MARK3: variants seen among roughly 807,000 people sequenced by gnomAD.
MARK3 encodes microtubule affinity regulating kinase 3.
In MARK3, 46 loss-of-function variants were observed where a neutral mutation model predicts 90.1. The observed-to-expected ratio is 0.51, with a 90% CI of 0.40 to 0.65. The LOEUF (loss-of-function observed/expected upper bound fraction) is 0.65. Among genes scored for constraint, MARK3 ranks in the 30% least tolerant of loss-of-function variants. The pLI is 0.00. For missense variants in MARK3, 818 were observed against 947.2 expected (o/e 0.86, Z 1.79); for synonymous variants, 321 against 332.6 (o/e 0.97, Z 0.38).
chr14:103,453,388 C>G (rs1253637191), intron 5 of MARK3, among the ~76,000 whole-genome samples: 1 of 152,180 alleles, frequency 6.6e-6, no homozygotes, highest in Admixed American at 6.5e-5. Flanking sequence ...CTGTTAAACT[C>G]TATCGTAATT....
chr14:103,393,546 T>G (rs1376709633), intron 1 of MARK3, among the ~76,000 whole-genome samples: 2 of 152,170 alleles, frequency 1.3e-5, no homozygotes, highest in Non-Finnish European at 2.9e-5. Flanking sequence ...AATTTGAGCA[T>G]CCTTATCTTA....
At chr14:103,482,032 C>T (rs2093833898) in intron 14 of MARK3, among the ~76,000 whole-genome samples, 1 of 151,422 alleles carries the variant, frequency 6.6e-6, no homozygotes, top group African/African-American at 2.4e-5. Context: ...TCCCAAAGTG[C>T]TGGGATTACA....
chr14:103,422,268 C>A (rs1004434138), intron 2 of MARK3, among the ~76,000 whole-genome samples: 6 of 152,114 alleles, frequency 3.9e-5, no homozygotes, highest in African/African-American at 1.4e-4. Context: ...CCAGCCTGAC[C>A]AATATGGTGA....
intron 12 of MARK3, among the ~76,000 whole-genome samples, chr14:103,468,574 C>T (rs1020669560): frequency 5.9e-5 from 9 of 151,908 alleles, no homozygotes; most frequent in African/African-American, 2.2e-4. Flanking sequence ...GATCCACCTG[C>T]CTTGGCCTCC....
intron 3 of MARK3, among the ~76,000 whole-genome samples, chr14:103,438,992 TA>T (rs60721454): frequency 2.2e-3 from 317 of 142,156 alleles, no homozygotes; most frequent in Middle Eastern, 7.1e-3. Flanking sequence ...CTTCTCTAAT[TA>T]AAAAAAAAAA....
intron 2 of MARK3, chr14:103,412,513 C>A: frequency 1.9e-6 from 1 of 521,818 alleles, no homozygotes. Flanking sequence ...CCTCAGTGTC[C>A]ACTTGGGGGG....
At chr14:103,425,125 A>G (rs1256583280) in intron 2 of MARK3, among the ~76,000 whole-genome samples, 5 of 151,980 alleles carry the variant, frequency 3.3e-5, no homozygotes, top group Non-Finnish European at 7.4e-5. Context: ...TATTTTTAGT[A>G]GAGATGGGGT....
chr14:103,387,104 C>G (rs1312595967), intron 1 of MARK3, among the ~76,000 whole-genome samples: 2 of 152,146 alleles, frequency 1.3e-5, no homozygotes, highest in African/African-American at 2.4e-5. Context: ...GAGGTAATTG[C>G]TGGCACGAAA....
At chr14:103,463,612 A>T (rs184041968) in intron 7 of MARK3, among the ~76,000 whole-genome samples, 154 of 151,796 alleles carry the variant, frequency 1.0e-3, no homozygotes, top group South Asian at 4.4e-3. Context: ...TCTTAAGCTC[A>T]CTCTTTTATG....
At chr14:103,442,746 C>T (rs959958907) in intron 3 of MARK3, among the ~76,000 whole-genome samples, 1 of 151,794 alleles carries the variant, frequency 6.6e-6, no homozygotes, top group African/African-American at 2.4e-5. Context: ...TTTGGTGCTC[C>T]GGGAAATTTG....
At chr14:103,412,794 G>C in intron 2 of MARK3, 1 of 418,506 alleles carries the variant, frequency 2.4e-6, no homozygotes, top group Admixed American at 3.4e-5. Flanking sequence ...AGAAAAGAGG[G>C]TTTAGTTGGT....
chr14:103,386,011 A>G lies in MARK3; in HGVS notation c.-19A>G, dbSNP rs201278470. 1 of 1,609,314 alleles carries G rather than the reference A, an allele frequency of 6.2e-7. No individual in the cohort carries two copies. ...TTTTGTTTTGACCCTCGCATTGTGC[A>G]GAATTAAAGTGCAGTAAAATGTCCA... On this transcript the variant is annotated 5_prime_UTR_variant, in exon 1 of 18. Coordinates refer to ENST00000429436, the MANE Select transcript of MARK3 (RefSeq NM_001128918.3).
Position 103,491,851 on chromosome 14 carries a change from G to A in MARK3, c.1661G>A (p.Arg554His), listed in dbSNP as rs369866994. 68 of 1,613,980 alleles carry A rather than the reference G, an allele frequency of 4.2e-5. No homozygotes were observed. Among genetic ancestry groups the A allele is most frequent in the Middle Eastern group, 1.6e-4 (1 of 6,084 alleles). The change falls in exon 15 of 18, where the codon CGC becomes CAC. Residue 554 changes from arginine to histidine, a missense_variant. Physicochemically the swap from Arg to His is conservative, Grantham distance 29 (BLOSUM62 0). Around this residue, in one of 3 missense-constraint regions of MARK3, gnomAD observed 560 missense variants for 613.5 expected, o/e 0.91. Coordinates refer to ENST00000429436, the MANE Select transcript of MARK3 (RefSeq NM_001128918.3). Reference protein sequence around the residue: ...ISSAATPDRIRFPRGTASRST... With the variant: ...ISSAATPDRIHFPRGTASRST... The stretch of plus-strand genomic sequence containing the variant: ...AGTGCAGCCACCCCAGATCGAATCC[G>A]CTTCCCAAGAGGCACTGCCAGTCGT...
chr14:103,387,011 A>G (rs1038055927), intron 1 of MARK3, among the ~76,000 whole-genome samples: 9 of 152,232 alleles, frequency 5.9e-5, no homozygotes, highest in East Asian at 1.9e-4. Flanking sequence ...AAGTGTTTCA[A>G]TCTAGTTGTT....
At chr14:103,448,713 T>C (rs962519481) in intron 3 of MARK3, among the ~76,000 whole-genome samples, 2 of 152,184 alleles carry the variant, frequency 1.3e-5, no homozygotes, top group Non-Finnish European at 2.9e-5. Flanking sequence ...AATGGAAGCA[T>C]TTGGGAATAC....
At chr14:103,451,067 A>G (rs529292930) in intron 4 of MARK3, among the ~76,000 whole-genome samples, 1 of 150,970 alleles carries the variant, frequency 6.6e-6, no homozygotes, top group Admixed American at 6.6e-5. Flanking sequence ...AGTAGCTGGG[A>G]CTACAGGTGC....
chr14:103,432,984 T>G (rs1006066169), intron 3 of MARK3, among the ~76,000 whole-genome samples: 20 of 152,142 alleles, frequency 1.3e-4, no homozygotes, highest in Non-Finnish European at 1.3e-4. Flanking sequence ...AGTAACCGAT[T>G]AGTTAATGTC....
intron 1 of MARK3, among the ~76,000 whole-genome samples, chr14:103,403,326 T>TTGTGTGTG (rs59913493): frequency 5.2e-4 from 72 of 138,458 alleles, no homozygotes; most frequent in Non-Finnish European, 7.5e-4. Flanking sequence ...TAGTGCCTGG[T>TTGTGTGTG]TGTGTGTGTG....
chr14:103,467,039 C>T (rs762731193), intron 10 of MARK3, 40 bp from the exon 11 acceptor site: 2 of 915,132 alleles, frequency 2.2e-6, no homozygotes, highest in Admixed American at 2.5e-5. Flanking sequence ...GATTTCTTAC[C>T]CAAACAAAAC....
Sources: allele counts gnomAD v4.1 joint callset (sites outside exome capture counted in the v4.1 genomes callset), GRCh38; gene constraint gnomAD v4.1.1; regional missense constraint gnomAD v4.1.1; transcripts MANE v1.5; gene names NCBI Gene and HGNC (gene_info 2026-07-23, HGNC 2026-07-21).